Variants in STIP1 observed in about 807,000 individuals in gnomAD.
STIP1 encodes stress-induced-phosphoprotein 1.
In STIP1, 16 loss-of-function variants were observed where a neutral mutation model predicts 77.4. The observed-to-expected ratio is 0.21, with a 90% CI of 0.14 to 0.31. The LOEUF is 0.31. STIP1 is among the 10% of genes least tolerant of loss of function. STIP1 has a pLI of 1.00. For synonymous variants in STIP1, 258 were observed against 246.6 expected, an observed-to-expected ratio of 1.05 and a Z score of -0.44; for missense variants, 524 against 684.8, an observed-to-expected ratio of 0.77 and a Z score of 2.62.
chr11:64,202,955 G>A (rs752282509), intron 11 of STIP1, 43 bp downstream of exon 11: 2 of 1,614,126 alleles, frequency 1.2e-6, no homozygotes. Context: ...CTAGCCAAAA[G>A]ATTAGAGAAG....
At chr11:64,185,911 G>C (rs1946007291), upstream of STIP1, 6 of 1,536,156 alleles carry the variant, frequency 3.9e-6, no homozygotes, top group South Asian at 2.4e-5. Context: ...ACGATTGGCA[G>C]TGCAAAAGAC....
At chr11:64,187,395 C>T (rs566665822) in intron 1 of STIP1, among the ~76,000 whole-genome samples, 1 of 152,074 alleles carries the variant, frequency 6.6e-6, no homozygotes, top group East Asian at 1.9e-4. Flanking sequence ...TGAAACTATA[C>T]CTGGTATCTG....
In STIP1 at chr11:64,197,588, A is replaced by G; in HGVS notation, c.895A>G (p.Ile299Val). 2 of 1,614,142 alleles carry G rather than the reference A, an allele frequency of 1.2e-6. No individual in the cohort carries two copies. The highest frequency in any genetic ancestry group is 1.7e-5 in the Admixed American group (1 of 59,994). ...GRENREDYRQ[I>V]AKAYARIGNS... is the part of the protein sequence containing the mutation. ...AGAAAACCGAGAAGACTATCGACAGATTGCCAAGTAGGCTCAACCTTCCAG... is the reference window on the plus strand; with the variant it reads ...AGAAAACCGAGAAGACTATCGACAGGTTGCCAAGTAGGCTCAACCTTCCAG... The change falls in exon 7 of 14, where the codon ATT becomes GTT. Residue 299 changes from isoleucine to valine, a missense_variant. Ile to Val is a conservative substitution (Grantham distance 29, BLOSUM62 3). Coordinates refer to ENST00000305218, the MANE Select transcript of STIP1 (RefSeq NM_006819.3).
chr11:64,197,809 TTATC>T (rs769927781), intron 7 of STIP1, 41 bp from the exon 8 acceptor site: 5 of 1,595,358 alleles, frequency 3.1e-6, no homozygotes, highest in Non-Finnish European at 3.4e-6. Context: ...GGAGCTGACT[TTATC>T]TCTCTGTCCT....
chr11:64,188,706 C>T (rs1186721662), intron 1 of STIP1, among the ~76,000 whole-genome samples: 2 of 152,108 alleles, frequency 1.3e-5, no homozygotes, highest in African/African-American at 4.8e-5. Context: ...TTTTAAATTA[C>T]CACTACTGGT....
chr11:64,197,504 G>C lies in STIP1; in HGVS notation c.811G>C (p.Glu271Gln), dbSNP rs1408698215. ...ATCCTGCCTGGCAGCGGTATACTTT[G>C]AAAAGGGCGACTACAATAAGTGCCG... ...YITNQAAVYF[E>Q]KGDYNKCREL... The change falls in exon 7 of 14, where the codon GAA (glutamate) becomes CAA (glutamine). Residue 271 changes from glutamate to glutamine, a missense_variant. Physicochemically the swap from Glu to Gln is conservative, Grantham distance 29. Transcript: ENST00000305218. 6.2e-7 allele frequency: 1 copy of C among 1,614,170 alleles called. No individual in the cohort carries two copies. The highest frequency in any genetic ancestry group is 1.3e-5 in the African/African-American group (1 of 75,042).
intron 13 of STIP1, 126 bp from the exon 14 acceptor site, chr11:64,203,928 C>T: frequency 1.7e-6 from 2 of 1,176,228 alleles, no homozygotes; most frequent in Non-Finnish European, 1.2e-6. Flanking sequence ...GCTCGGCGCC[C>T]CGGGCCTCGC....
chr11:64,203,772 G>A (rs551935313), intron 13 of STIP1, 150 bp downstream of exon 13: 7 of 1,051,296 alleles, frequency 6.7e-6, no homozygotes, highest in African/African-American at 3.2e-5. Flanking sequence ...AGTGGGTGGC[G>A]AGCTGGAAGG....
intron 10 of STIP1, 26 bp from the exon 11 acceptor site, chr11:64,202,850 A>G (rs1175627016): frequency 5.0e-6 from 8 of 1,613,940 alleles, no homozygotes; most frequent in Middle Eastern, 1.6e-4. Context: ...GAATGAGCCT[A>G]ATTTCTTTCT....
At position 64,203,487 on chromosome 11, in the gene STIP1, A is replaced by G. The variant is rs746241583; in HGVS notation, c.1424A>G (p.Gln475Arg). The change falls in exon 13 of 14, where the codon CAG becomes CGG. Residue 475 changes from glutamine to arginine, a missense_variant. Transcript: ENST00000305218. ...ADGYQRCMMA[Q>R]YNRHDSPEDV... ...GGCTACCAGCGCTGTATGATGGCGC[A>G]GTACAACCGGCACGACAGCCCCGAA... The G allele has an allele frequency of 6.2e-7, 1 of 1,614,074 alleles. No homozygotes were observed. Among genetic ancestry groups the G allele is most frequent in the Non-Finnish European group, 8.5e-7 (1 of 1,180,012 alleles).
intron 1 of STIP1, among the ~76,000 whole-genome samples, chr11:64,188,514 A>G (rs1268638722): frequency 1.3e-5 from 2 of 152,064 alleles, no homozygotes; most frequent in African/African-American, 2.4e-5. Flanking sequence ...CACTCTCCTG[A>G]GTAGCTGGGC....
chr11:64,192,608 G>A (rs1330765043), intron 1 of STIP1, among the ~76,000 whole-genome samples: 1 of 152,212 alleles, frequency 6.6e-6, no homozygotes, highest in Non-Finnish European at 1.5e-5. Context: ...TCCCAAGAAA[G>A]AGAAGTCTCC....
At chr11:64,195,970 G>A in intron 5 of STIP1, 157 bp downstream of exon 5, 1 of 998,640 alleles carries the variant, frequency 1.0e-6, no homozygotes, top group Non-Finnish European at 1.5e-6. Context: ...TTGAACTTCT[G>A]GCCTCAAGCG....
chr11:64,202,707 A>C lies in STIP1; in HGVS notation c.1246-169A>C, dbSNP rs1946232753. ...CATCAGCCTCTTGCAGAGTCCAGGC[A>C]GTTTGTCTTGTGTGGGATGATCCAT... is the stretch of plus-strand genomic sequence containing the variant. On this transcript the variant is annotated intron_variant, in intron 10 of 13. Coordinates refer to ENST00000305218, the MANE Select transcript of STIP1 (RefSeq NM_006819.3). 4 of 689,268 alleles carry C rather than the reference A, an allele frequency of 5.8e-6. No individual in the cohort carries two copies. The East Asian group carries it at 1.0e-4, about 18-fold the overall frequency. The allele number at this position is 689,268 out of a possible 1,614,324, so 42.7% of individuals were successfully genotyped here.
rs1361247297 is a variant in STIP1 at position 64,186,586 on chromosome 11, G to T, written c.9+316G>T. 2.3e-5 allele frequency: 5 copies of T among 216,002 alleles called. No homozygotes were observed. The South Asian group carries it at 5.5e-4, about 24-fold the overall frequency. 13.4% of individuals were successfully genotyped at this position (216,002 alleles called of 1,614,324 possible). On this transcript the variant is annotated intron_variant, in intron 1 of 13. Transcript: ENST00000305218. ...GCCCTGAAGGCGTCCCGAGGGGGCG[G>T]CTGCGGGCCATGTTGGGGAGGGTGC...
At chr11:64,198,813 T>TTAA (rs1211069634) in intron 8 of STIP1, among the ~76,000 whole-genome samples, 2 of 150,112 alleles carry the variant, frequency 1.3e-5, no homozygotes, top group Admixed American at 1.3e-4. Flanking sequence ...CCTAAATGTG[T>TTAA]TAATATTGAG....
chr11:64,195,758 A>G lies in STIP1; in HGVS notation c.617A>G (p.Lys206Arg), dbSNP rs1227261084. Residue 206 changes from lysine to arginine, a missense_variant, in exon 5 of 14, where the codon AAA becomes AGA. Lys to Arg is a conservative substitution (Grantham distance 26, BLOSUM62 2). Coordinates refer to ENST00000305218, the MANE Select transcript of STIP1 (RefSeq NM_006819.3). ...IATPPPPPPP[K>R]KETKPEPMEE... Reference sequence around the variant, plus strand: ...ACACCTCCACCACCACCCCCTCCCAAAAAGGAGACCAAGCCAGAGCCAATG... The same window carrying G: ...ACACCTCCACCACCACCCCCTCCCAGAAAGGAGACCAAGCCAGAGCCAATG... 2 of 1,614,002 alleles carry G rather than the reference A, an allele frequency of 1.2e-6. No homozygotes were observed. Among genetic ancestry groups the G allele is most frequent in the Non-Finnish European group, 1.7e-6 (2 of 1,180,036 alleles).
At chr11:64,203,688 C>A (rs775754040) in intron 13 of STIP1, 66 bp downstream of exon 13, 5 of 1,595,652 alleles carry the variant, frequency 3.1e-6, no homozygotes, top group Non-Finnish European at 3.4e-6. Flanking sequence ...TGAGTGCACG[C>A]GGCTGGGGGG....
chr11:64,189,626 A>G (rs753431022), intron 1 of STIP1, among the ~76,000 whole-genome samples: 6 of 152,042 alleles, frequency 3.9e-5, no homozygotes, highest in Admixed American at 6.6e-5. Context: ...TTAACCCAAC[A>G]CAGGCGTACA....
Sources: gnomAD v4.1 joint callset for allele counts (sites outside exome capture counted in the v4.1 genomes callset) on GRCh38, gnomAD v4.1.1 for gene constraint, MANE v1.5 for transcripts, NCBI Gene and HGNC (gene_info 2026-07-23, HGNC 2026-07-21) for gene names.